ENPP7: variants seen among roughly 807,000 people sequenced by gnomAD.
ENPP7 encodes the protein ectonucleotide pyrophosphatase/phosphodiesterase family member 7.
In ENPP7, 39 loss-of-function variants were observed where a neutral mutation model predicts 33.6. The observed-to-expected ratio is 1.16, with a 90% CI of 0.90 to 1.52. The LOEUF is 1.52. ENPP7 is among the 40% of genes most tolerant of loss of function. The pLI is 0.00. For synonymous variants in ENPP7, 244 were observed against 274.3 expected, an observed-to-expected ratio of 0.89 and a Z score of 1.09; for missense variants, 594 against 641.0, an observed-to-expected ratio of 0.93 and a Z score of 0.79.
chr17:79,733,528 G>A lies in ENPP7; in HGVS notation c.274G>A (p.Gly92Arg), dbSNP rs782045800. The change falls in exon 2 of 6, where the codon GGG (glycine) becomes AGG (arginine). Residue 92 changes from glycine (G) to arginine (R), a missense_variant. By Grantham distance (125) the Gly-to-Arg change is moderately radical. This residue lies in a region of ENPP7 where 504 missense variants were observed against 512.8 expected (regional missense o/e 0.98). Coordinates refer to ENST00000328313, the MANE Select transcript of ENPP7 (RefSeq NM_178543.5). The part of the protein sequence containing the change: ...LVTGKYIENH[G>R]VVHNMYYNTT... ...CTCAGGCAAATATATCGAGAACCAC[G>A]GGGTGGTTCACAACATGTACTACAA... is the stretch of plus-strand genomic sequence containing the variant. 106 of 1,613,036 alleles carry A rather than the reference G, an allele frequency of 6.6e-5. No homozygotes were observed. The highest frequency in any genetic ancestry group is 8.6e-5 in the Non-Finnish European group (101 of 1,179,844).
chr17:79,732,149 T>TATATATATATATATATACAC (rs1171801654), intron 1 of ENPP7, among the ~76,000 whole-genome samples: 27 of 34,154 alleles, frequency 7.9e-4, no homozygotes, highest in African/African-American at 2.6e-3. Flanking sequence ...TATATATATA[T>TATATATATATATATATACAC]ACACACACAT....
chr17:79,732,388 G>A (rs1457206730), intron 1 of ENPP7, among the ~76,000 whole-genome samples: 3 of 151,898 alleles, frequency 2.0e-5, no homozygotes, highest in East Asian at 1.9e-4. Context: ...CCAAACCTGC[G>A]TCATCCTCCA....
At position 79,735,097 on chromosome 17, in the gene ENPP7, G is replaced by A. The variant is rs1555823209; in HGVS notation, c.454G>A (p.Val152Met). Residue 152 changes from valine (V) to methionine (M), a missense_variant, in exon 3 of 6, where the codon GTG becomes ATG. Physicochemically the swap from Val to Met is conservative, Grantham distance 21. Transcript: ENST00000328313. This position sits in a 1 kb window ranked among gnomAD's most constrained non-coding sequence, Gnocchi z 5.5. ...YPGGNVTYQG[V>M]AVTRSRKEGI... The stretch of plus-strand genomic sequence containing the variant: ...GGGCGGGAACGTCACCTACCAAGGG[G>A]TGGCTGTGACGCGGAGCCGGAAAGA... The A allele has an allele frequency of 1.2e-5, 19 of 1,613,066 alleles. No homozygotes were observed. The highest frequency in any genetic ancestry group is 1.6e-5 in the Non-Finnish European group (19 of 1,180,048).
rs952049835 is a variant in ENPP7, at chr17:79,735,478, G to C, written c.835G>C (p.Asp279His). 2 of 1,614,108 alleles carry C rather than the reference G, an allele frequency of 1.2e-6. No individual in the cohort carries two copies. Among genetic ancestry groups the C allele is most frequent in the Non-Finnish European group, 1.7e-6 (2 of 1,180,040 alleles). Residue 279 changes from aspartate (D) to histidine (H), a missense_variant, in exon 3 of 6, where the codon GAC (aspartate) becomes CAC (histidine). Asp to His is a moderately conservative substitution (Grantham distance 81). Coordinates refer to ENST00000328313, the MANE Select transcript of ENPP7 (RefSeq NM_178543.5). The surrounding 1 kb of genome is among the most constrained non-coding windows in gnomAD (Gnocchi z 5.5). ...TFRDIEFELL[D>H]YGPNGMLLPK... The stretch of plus-strand genomic sequence containing the variant: ...CCGGGACATCGAGTTTGAGCTCCTG[G>C]ACTACGGACCAAACGGGATGCTGCT...
rs1555823209 is a variant in ENPP7 at position 79,735,097 on chromosome 17, G to T, written c.454G>T (p.Val152Leu). ...GGGCGGGAACGTCACCTACCAAGGG[G>T]TGGCTGTGACGCGGAGCCGGAAAGA... ...YPGGNVTYQG[V>L]AVTRSRKEGI... Residue 152 changes from valine (V) to leucine (L), a missense_variant, in exon 3 of 6, where the codon GTG (valine) becomes TTG (leucine). Transcript: ENST00000328313. The surrounding 1 kb of genome is among the most constrained non-coding windows in gnomAD (Gnocchi z 5.5). 1 of 1,613,066 alleles carries T rather than the reference G, an allele frequency of 6.2e-7. No homozygotes were observed. The highest frequency in any genetic ancestry group is 1.1e-5 in the South Asian group (1 of 91,082).
intron 3 of ENPP7, among the ~76,000 whole-genome samples, chr17:79,736,635 T>G (rs1459072783): frequency 6.8e-6 from 1 of 147,758 alleles, no homozygotes; most frequent in South Asian, 2.1e-4. Flanking sequence ...ATGGAAGAGG[T>G]AGGAAAGAGT....
chr17:79,733,610 G>A lies in ENPP7; in HGVS notation c.356G>A (p.Trp119Ter). ...YHATLGIQRW[W>*]DNGSVPIWIT... is the part of the protein sequence containing the mutation. ...GCCACGCTGGGCATCCAGAGGTGGT[G>A]GGACAACGGCAGCGTGCCCATCTGG... The change falls in exon 2 of 6, where the codon TGG (tryptophan) becomes TAG (stop). Residue 119 changes from tryptophan (W) to a stop codon, truncating the protein, a stop_gained. Transcript: ENST00000328313. LOFTEE classifies it high-confidence loss of function. The A allele has an allele frequency of 2.5e-6, 4 of 1,613,314 alleles. No individual in the cohort carries two copies. In the South Asian group the frequency reaches 4.4e-5, roughly 18 times the overall value.
chr17:79,736,314 C>T (rs1409288060), intron 3 of ENPP7, among the ~76,000 whole-genome samples: 2 of 152,248 alleles, frequency 1.3e-5, no homozygotes, highest in African/African-American at 4.8e-5. Context: ...GCTGGAATTA[C>T]AGGGGTGAGC....
At chr17:79,733,484 C>T (rs113286331) in intron 1 of ENPP7, 24 bp from the exon 2 acceptor site, 99,093 of 1,609,834 alleles carry the variant, frequency 0.062, 3,514 homozygotes, top group Middle Eastern at 0.077. Context: ...ATCCCGCCGC[C>T]CTCTGCACCT....
Position 79,735,310 on chromosome 17 carries a change from G to A in ENPP7, c.667G>A (p.Val223Met), listed in dbSNP as rs782633526. ...REMVRQVDRT[V>M]GYLRESIARN... ...GATGGTGCGGCAGGTGGACCGGACC[G>A]TGGGCTACCTCCGGGAGAGCATCGC... The change falls in exon 3 of 6, where the codon GTG (valine) becomes ATG (methionine). Residue 223 changes from valine to methionine, a missense_variant. By Grantham distance (21) the Val-to-Met change is conservative. Transcript: ENST00000328313. The surrounding 1 kb of genome is among the most constrained non-coding windows in gnomAD (Gnocchi z 5.5). The A allele has an allele frequency of 2.7e-5, 44 of 1,613,136 alleles. No individual in the cohort carries two copies. Among genetic ancestry groups the A allele is most frequent in the Admixed American group, 8.3e-5 (5 of 59,984 alleles).
Position 79,735,560 on chromosome 17 carries a change from A to C in ENPP7, c.917A>C (p.Lys306Thr). Reference sequence around the variant, plus strand: ...GATGCCCTCAAGGACGCCCACCCCAAGCTCCACGTCTACAAGAAGGAGGCG... The same window carrying C: ...GATGCCCTCAAGGACGCCCACCCCACGCTCCACGTCTACAAGAAGGAGGCG... ...VYDALKDAHPKLHVYKKEAFP... is the reference protein window; with the variant it reads ...VYDALKDAHPTLHVYKKEAFP... Residue 306 changes from lysine (K) to threonine (T), a missense_variant, in exon 3 of 6, where the codon AAG becomes ACG. Lys to Thr is a moderately conservative substitution (Grantham distance 78). Coordinates refer to ENST00000328313, the MANE Select transcript of ENPP7 (RefSeq NM_178543.5). The surrounding 1 kb of genome is among the most constrained non-coding windows in gnomAD (Gnocchi z 5.5). The C allele has an allele frequency of 6.2e-7, 1 of 1,613,574 alleles. No homozygotes were observed. The highest frequency in any genetic ancestry group is 8.5e-7 in the Non-Finnish European group (1 of 1,179,750).
chr17:79,733,556 C>G lies in ENPP7; in HGVS notation c.302C>G (p.Thr101Ser). The G allele has an allele frequency of 6.2e-7, 1 of 1,613,582 alleles. No homozygotes were observed. The highest frequency in any genetic ancestry group is 8.5e-7 in the Non-Finnish European group (1 of 1,179,980). ...GTGGTTCACAACATGTACTACAACA[C>G]CACCAGCAAGGTGAAGCTGCCCTAC... ...HGVVHNMYYN[T>S]TSKVKLPYHA... The change falls in exon 2 of 6, where the codon ACC becomes AGC. Residue 101 changes from threonine (T) to serine (S), a missense_variant. By Grantham distance (58) the Thr-to-Ser change is moderately conservative (BLOSUM62 1). This residue lies in a region of ENPP7 where 504 missense variants were observed against 512.8 expected (regional missense o/e 0.98). Transcript: ENST00000328313.
chr17:79,741,627 C>A (rs1555824599), intron 5 of ENPP7, among the ~76,000 whole-genome samples, 167 bp from the exon 6 acceptor site: 1 of 151,166 alleles, frequency 6.6e-6, no homozygotes, highest in African/African-American at 2.4e-5. Flanking sequence ...GGTAGGGCCG[C>A]CCCCTTCCAC....
Position 79,741,695 on chromosome 17 carries a change from C to T in ENPP7, c.*17-99C>T, listed in dbSNP as rs1905536989. 3 of 483,072 alleles carry T rather than the reference C, an allele frequency of 6.2e-6. No homozygotes were observed. In the South Asian group the frequency reaches 2.6e-4, roughly 42 times the overall value. 29.9% of individuals were successfully genotyped at this position (483,072 alleles called of 1,614,324 possible). A position where few individuals can be genotyped will look rare whatever the true frequency, so the allele number is the denominator to read the frequency against. ...CCTGTTTCCCACGACCCCTCCCTCCCAGTCCAGCCGCACCGCTGCTTCACC... is the reference window on the plus strand; with the variant it reads ...CCTGTTTCCCACGACCCCTCCCTCCTAGTCCAGCCGCACCGCTGCTTCACC... On this transcript the variant is annotated intron_variant, in intron 5 of 5. Transcript: ENST00000328313.
chr17:79,735,121 G>A lies in ENPP7; in HGVS notation c.478G>A (p.Glu160Lys), dbSNP rs782292958. ...QGVAVTRSRKEGIAHNYKNET... is the reference protein window; with the variant it reads ...QGVAVTRSRKKGIAHNYKNET... ...GGTGGCTGTGACGCGGAGCCGGAAA[G>A]AAGGCATCGCACACAACTACAAAAA... The change falls in exon 3 of 6, where the codon GAA (glutamate) becomes AAA (lysine). Residue 160 changes from glutamate to lysine, a missense_variant. Coordinates refer to ENST00000328313, the MANE Select transcript of ENPP7 (RefSeq NM_178543.5). This position sits in a 1 kb window ranked among gnomAD's most constrained non-coding sequence, Gnocchi z 5.5. 9 of 1,613,156 alleles carry A rather than the reference G, an allele frequency of 5.6e-6. No homozygotes were observed. The highest frequency in any genetic ancestry group is 6.8e-6 in the Non-Finnish European group (8 of 1,180,032).
In ENPP7 at chr17:79,738,639, C is replaced by G. The variant is rs1455440575; in HGVS notation, c.*16+577C>G. 1 of 151,690 alleles carries G rather than the reference C, an allele frequency of 6.6e-6. No individual in the cohort carries two copies. Among genetic ancestry groups the G allele is most frequent in the African/African-American group, 2.4e-5 (1 of 40,880 alleles). The allele number at this position is 151,690 out of a possible 1,614,324, so 9.4% of individuals were successfully genotyped here. A position where few individuals can be genotyped will look rare whatever the true frequency, so the allele number is the denominator to read the frequency against. On this transcript the variant is annotated intron_variant, in intron 5 of 5. Transcript: ENST00000328313. This position sits in a 1 kb window ranked among gnomAD's most constrained non-coding sequence, Gnocchi z 6.2. ...CTCTCTGGAAGCCCACCTCCAAGGA[C>G]ACGCGTGGGGTGCATTTGGGAGGAG...
intron 1 of ENPP7, among the ~76,000 whole-genome samples, chr17:79,731,686 C>G (rs1157602262): frequency 2.0e-5 from 3 of 152,212 alleles, no homozygotes; most frequent in African/African-American, 7.2e-5. Context: ...CCCCTGCCCG[C>G]CCCTCCAGCT....
chr17:79,736,012 C>T (rs571073891), intron 3 of ENPP7, among the ~76,000 whole-genome samples: 1 of 152,144 alleles, frequency 6.6e-6, no homozygotes, highest in Non-Finnish European at 1.5e-5. Flanking sequence ...TGGGTTCAAG[C>T]GATTCTCCTG....
chr17:79,734,105 C>G (rs1466632629), intron 2 of ENPP7, among the ~76,000 whole-genome samples: 3 of 152,148 alleles, frequency 2.0e-5, no homozygotes, highest in Non-Finnish European at 1.5e-5. Context: ...GGGCCAAAGA[C>G]AAAATGAGAG....
Sources: gnomAD v4.1 joint callset for allele counts (sites outside exome capture counted in the v4.1 genomes callset) on GRCh38, gnomAD v4.1.1 for gene constraint, gnomAD v4.1.1 regional missense constraint, Gnocchi (gnomAD v3.1) non-coding constraint, MANE v1.5 for transcripts, NCBI Gene and HGNC (gene_info 2026-07-23, HGNC 2026-07-21) for gene names.